The following RBKS variants were observed in gnomAD, a reference collection of about 807,000 sequenced individuals.
The protein encoded by RBKS is ribokinase.
A neutral mutation model predicts 33.9 loss-of-function variants in RBKS; 33 were observed. The observed-to-expected ratio is 0.97, with a 90% CI of 0.74 to 1.30. The LOEUF is 1.30. Ranked by LOEUF, RBKS falls within the 50% of genes most tolerant of loss-of-function variation. The pLI, the probability that RBKS is intolerant of heterozygous loss-of-function variation, is 0.00. For synonymous variants in RBKS, 125 were observed against 143.0 expected, an observed-to-expected ratio of 0.87 and a Z score of 0.90; for missense variants, 361 against 392.6, an observed-to-expected ratio of 0.92 and a Z score of 0.68.
chr2:27,827,587 CTT>C lies in RBKS; in HGVS notation c.773_774del (p.Lys258SerfsTer11). 1 of 1,594,318 alleles carries C rather than the reference CTT, an allele frequency of 6.3e-7. No individual in the cohort carries two copies. The highest frequency in any genetic ancestry group is 8.5e-7 in the Non-Finnish European group (1 of 1,172,964). The part of the protein sequence containing the change: ...EPEPKHIPTE[K>X]VKAVDTTGAG... ...CTTACCGTGGTATCCACAGCCTTGA[CTT>C]TCTCTGTGGGAATGTGCTTTGGCTC... is the stretch of plus-strand genomic sequence containing the variant. On this transcript the variant is annotated frameshift_variant, in exon 7 of 8. Coordinates refer to ENST00000302188, the MANE Select transcript of RBKS (RefSeq NM_022128.3). LOFTEE classifies it high-confidence loss of function.
chr2:27,865,359 G>A (rs1397105645), intron 1 of RBKS, among the ~76,000 whole-genome samples: 1 of 151,964 alleles, frequency 6.6e-6, no homozygotes, highest in Non-Finnish European at 1.5e-5. Context: ...TCTTTAATCC[G>A]GTGCCAGAAA....
rs554098573 is a variant in RBKS at position 27,801,848 on chromosome 2, T to C, written c.796-20060A>G. ...GTGACGGGGAAGATGCCACGCACTT[T>C]TGTTTTTGACACAGGGTCTCACTCT... On this transcript the variant is annotated intron_variant, in intron 7 of 7. Transcript: ENST00000302188. Among the ~76,000 whole-genome samples the C allele has an allele frequency of 6.0e-5, 9 of 150,434 alleles. No individual in the cohort carries two copies. In the East Asian group the frequency reaches 1.6e-3, roughly 26 times the overall value.
intron 7 of RBKS, chr2:27,782,551 A>G: frequency 2.2e-6 from 1 of 452,128 alleles, no homozygotes; most frequent in Non-Finnish European, 4.6e-6. Flanking sequence ...CTTAATTGGG[A>G]TATGTCCGTT....
chr2:27,853,145 T>C (rs1663785170), intron 2 of RBKS, among the ~76,000 whole-genome samples: 1 of 151,930 alleles, frequency 6.6e-6, no homozygotes, highest in Non-Finnish European at 1.5e-5. Flanking sequence ...GTGGTAAGAC[T>C]GCTCGAGGAC....
chr2:27,864,990 C>A (rs1664062306), intron 1 of RBKS, among the ~76,000 whole-genome samples: 1 of 152,194 alleles, frequency 6.6e-6, no homozygotes, highest in Non-Finnish European at 1.5e-5. Flanking sequence ...CTGAATCTCT[C>A]CACAGGTCTT....
Position 27,812,435 on chromosome 2 carries a change from A to G in RBKS, c.795+15132T>C, listed in dbSNP as rs573118104. On this transcript the variant is annotated intron_variant, in intron 7 of 7. Coordinates refer to ENST00000302188, the MANE Select transcript of RBKS (RefSeq NM_022128.3). ...GTATGTTTATTGTGGTACTATTCAC[A>G]ACAGCAAAGACTTGGAACCAACCCA... 5.3e-5 allele frequency among the ~76,000 whole-genome samples: 8 copies of G among 152,372 alleles called. No homozygotes were observed. The East Asian group carries it at 1.5e-3, about 29-fold the overall frequency.
At chr2:27,849,559 CAAAAAAAAAAAAAAA>C (rs70953894) in intron 2 of RBKS, among the ~76,000 whole-genome samples, 2 of 28,598 alleles carry the variant, frequency 7.0e-5, no homozygotes, top group Admixed American at 1.1e-3. Flanking sequence ...GACTCTGTCT[CAAAAAAAAAAAAAAA>C]AAAAAAAAAA....
At chr2:27,850,850 A>C (rs770270778) in intron 2 of RBKS, among the ~76,000 whole-genome samples, 19 of 152,350 alleles carry the variant, frequency 1.2e-4, no homozygotes, top group Admixed American at 5.2e-4. Context: ...AGAAGACTTC[A>C]CAAAAACAGA....
At chr2:27,851,436 G>A (rs752510731) in intron 2 of RBKS, among the ~76,000 whole-genome samples, 1 of 151,996 alleles carries the variant, frequency 6.6e-6, no homozygotes, top group Non-Finnish European at 1.5e-5. Flanking sequence ...CTTCTTAAAA[G>A]CTTACTGGAG....
chr2:27,855,958 T>G (rs1014477390), intron 2 of RBKS, among the ~76,000 whole-genome samples: 1 of 152,162 alleles, frequency 6.6e-6, no homozygotes, highest in African/African-American at 2.4e-5. Context: ...TCTTGATAAA[T>G]TTCATGGTTT....
At chr2:27,801,961 A>ATAT (rs1386207212) in intron 7 of RBKS, among the ~76,000 whole-genome samples, 865 of 63,048 alleles carry the variant, frequency 0.014, 3 homozygotes, top group Non-Finnish European at 0.021. Context: ...AAAAAAAAAA[A>ATAT]AAATATATAT....
intron 1 of RBKS, among the ~76,000 whole-genome samples, chr2:27,865,947 T>G (rs1196091978): frequency 6.6e-6 from 1 of 152,220 alleles, no homozygotes; most frequent in Non-Finnish European, 1.5e-5. Flanking sequence ...AAATGTCAAT[T>G]GCCTTTTAAA....
At position 27,795,340 on chromosome 2, in the gene RBKS, A is replaced by AG. The variant is rs1487374355; in HGVS notation, c.796-13553dup. 4.6e-5 allele frequency among the ~76,000 whole-genome samples: 7 copies of AG among 152,176 alleles called. No homozygotes were observed. The highest frequency in any genetic ancestry group is 1.7e-4 in the African/African-American group (7 of 41,438). On this transcript the variant is annotated intron_variant, in intron 7 of 7. Coordinates refer to ENST00000302188, the MANE Select transcript of RBKS (RefSeq NM_022128.3). This position sits in a 1 kb window ranked among gnomAD's most constrained non-coding sequence, Gnocchi z 4.1. ...AGAAGCAGGGAGGCTCCTGGCTGAC[A>AG]GGGGCCTTCGGGTCAAAGACAAGAA...
chr2:27,806,865 G>A (rs1677907368), intron 7 of RBKS, among the ~76,000 whole-genome samples: 1 of 152,202 alleles, frequency 6.6e-6, no homozygotes, highest in South Asian at 2.1e-4. Flanking sequence ...TAAATCTAAG[G>A]TGGGGCCTGG....
At chr2:27,838,173 C>T (rs1192670286) in intron 5 of RBKS, among the ~76,000 whole-genome samples, 1 of 152,068 alleles carries the variant, frequency 6.6e-6, no homozygotes, top group Non-Finnish European at 1.5e-5. Context: ...GCACTCCAGC[C>T]TGGGCGGGCA....
At chr2:27,789,986 TAGAGAGAGAGAG>T (rs368946256) in intron 7 of RBKS, among the ~76,000 whole-genome samples, 3 of 130,938 alleles carry the variant, frequency 2.3e-5, no homozygotes, top group South Asian at 2.4e-4. Context: ...TATATATATG[TAGAGAGAGAGAG>T]AGAGAGAGAG....
Position 27,840,020 on chromosome 2 carries a change from CTTT to C in RBKS, c.514+3044_514+3046del, listed in dbSNP as rs57069432. On this transcript the variant is annotated intron_variant, in intron 5 of 7. Transcript: ENST00000302188. ...CTCCTTTCATTATACCACTCTTCTT[CTTT>C]TTTTTTTTTTTTTTGAGATGGAGTC... 1.4e-3 allele frequency among the ~76,000 whole-genome samples: 190 copies of C among 136,668 alleles called. 2 individuals carry two copies. The South Asian group carries it at 0.016, about 12-fold the overall frequency. 89.7% of individuals were successfully genotyped at this position (136,668 alleles called of 152,430 possible). A position where few individuals can be genotyped will look rare whatever the true frequency, so the allele number is the denominator to read the frequency against.
chr2:27,890,018 T>C lies in RBKS; in HGVS notation c.89+239A>G. On this transcript the variant is annotated intron_variant, in intron 1 of 7. Transcript: ENST00000302188. This position sits in a 1 kb window ranked among gnomAD's most constrained non-coding sequence, Gnocchi z 4.8. ...GGTCTTTGGGGAGCGCTTTGAGTAATATTAGAGCTTTCACTAAACCCTGGC... is the reference window on the plus strand; with the variant it reads ...GGTCTTTGGGGAGCGCTTTGAGTAACATTAGAGCTTTCACTAAACCCTGGC... The C allele has an allele frequency of 2.2e-6, 1 of 458,352 alleles. No individual in the cohort carries two copies. Among genetic ancestry groups the C allele is most frequent in the Non-Finnish European group, 3.9e-6 (1 of 254,494 alleles). 28.4% of individuals were successfully genotyped at this position (458,352 alleles called of 1,614,324 possible). A position where few individuals can be genotyped will look rare whatever the true frequency, so the allele number is the denominator to read the frequency against.
intron 7 of RBKS, among the ~76,000 whole-genome samples, chr2:27,825,379 CT>C (rs1678292289): frequency 6.6e-6 from 1 of 152,204 alleles, no homozygotes; most frequent in Non-Finnish European, 1.5e-5. Flanking sequence ...CTTAATCATA[CT>C]TTTTCCCCTT....
Sources: allele counts gnomAD v4.1 joint callset (sites outside exome capture counted in the v4.1 genomes callset), GRCh38; gene constraint gnomAD v4.1.1; non-coding constraint Gnocchi (gnomAD v3.1); transcripts MANE v1.5; gene names NCBI Gene and HGNC (gene_info 2026-07-23, HGNC 2026-07-21).